HS1BP3: variants seen among roughly 807,000 people sequenced by gnomAD.
HS1BP3 encodes the protein HCLS1-binding protein 3.
A neutral mutation model predicts 33.5 loss-of-function variants in HS1BP3; 32 were observed. That is an observed-to-expected ratio of 0.95 (90% confidence interval 0.72 to 1.28). The LOEUF (loss-of-function observed/expected upper bound fraction) is 1.28. Among genes scored for constraint, HS1BP3 ranks in the 50% most tolerant of loss-of-function variants. The pLI is 0.00. For synonymous variants in HS1BP3, 187 were observed against 209.2 expected (o/e 0.89, Z 0.92); for missense variants, 486 against 502.3 (o/e 0.97, Z 0.31).
intron 5 of HS1BP3, among the ~76,000 whole-genome samples, 178 bp downstream of exon 5, chr2:20,624,554 C>T (rs1256749198): frequency 6.6e-6 from 1 of 152,184 alleles, no homozygotes; most frequent in African/African-American, 2.4e-5. Flanking sequence ...TGCCTGGAAG[C>T]CCAGGGCCCA....
At chr2:20,564,830 T>G (rs1285108244) in intron 5 of HS1BP3, among the ~76,000 whole-genome samples, 1 of 152,164 alleles carries the variant, frequency 6.6e-6, no homozygotes, top group East Asian at 1.9e-4. Flanking sequence ...TTTATGGGTC[T>G]CTCCTCACTG....
intron 5 of HS1BP3, 81 bp downstream of exon 5, chr2:20,624,651 G>T (rs966179020): frequency 6.7e-6 from 9 of 1,346,520 alleles, no homozygotes; most frequent in East Asian, 4.7e-5. Context: ...TCCTATTCAC[G>T]CCGGGTGAGT....
In HS1BP3 at chr2:20,633,235, T is replaced by C. The variant is rs533582023; in HGVS notation, c.623+5201A>G. On this transcript the variant is annotated intron_variant, in intron 4 of 6. Transcript: ENST00000304031. The stretch of plus-strand genomic sequence containing the variant: ...GGGGGTTTCCAGCTGCCCCACTCAC[T>C]GTCAAACCATACTCTAAGGGGCCCT... Among the ~76,000 whole-genome samples the C allele has an allele frequency of 3.9e-5, 6 of 152,290 alleles. No homozygotes were observed. The East Asian group carries it at 1.2e-3, about 29-fold the overall frequency.
At chr2:20,608,900 C>T (rs1393851211) in intron 2 of HS1BP3, among the ~76,000 whole-genome samples, 2 of 152,236 alleles carry the variant, frequency 1.3e-5, no homozygotes, top group Non-Finnish European at 2.9e-5. Flanking sequence ...TGCATCTCTC[C>T]TCCCTGGCCC....
At chr2:20,570,343 C>T (rs1486099935) in intron 5 of HS1BP3, among the ~76,000 whole-genome samples, 1 of 152,156 alleles carries the variant, frequency 6.6e-6, no homozygotes, top group Non-Finnish European at 1.5e-5. Context: ...TTCAAATGAT[C>T]GCCGTCAGGT....
At chr2:20,599,457 G>A (rs1490122792) in intron 2 of HS1BP3, among the ~76,000 whole-genome samples, 1 of 152,164 alleles carries the variant, frequency 6.6e-6, no homozygotes, top group East Asian at 1.9e-4. Flanking sequence ...TGAGCTTTAG[G>A]TATTTTAAAA....
rs559571091 is a variant in HS1BP3, at chr2:20,640,990, T to C, written c.389A>G (p.Glu130Gly). The C allele has an allele frequency of 4.4e-5, 71 of 1,614,142 alleles. No homozygotes were observed. The East Asian group carries it at 1.5e-3, about 34-fold the overall frequency. The change falls in exon 3 of 7, where the codon GAG becomes GGG. Residue 130 changes from glutamate to glycine, a missense_variant. Glu to Gly is a moderately conservative substitution (Grantham distance 98). Transcript: ENST00000304031. ...TTGGGTACCTAAGAACTCTAGCAGC[T>C]CTGGGCTGCCTGCCAACTCGGCATC... ...SKDAELAGSPELLEFLGTRSP... is the reference protein window; with the variant it reads ...SKDAELAGSPGLLEFLGTRSP...
intron 1 of HS1BP3, among the ~76,000 whole-genome samples, chr2:20,647,171 C>T (rs1053959278): frequency 6.6e-6 from 1 of 152,160 alleles, no homozygotes; most frequent in Non-Finnish European, 1.5e-5. Flanking sequence ...CACGATCCAG[C>T]TCCCTCACAG....
At chr2:20,644,769 G>T (rs534219626) in intron 2 of HS1BP3, among the ~76,000 whole-genome samples, 2 of 152,224 alleles carry the variant, frequency 1.3e-5, no homozygotes, top group South Asian at 4.1e-4. Flanking sequence ...AAGGCAAAAG[G>T]GTCCACGTCA....
At chr2:20,619,548 T>C (rs1054776300) in intron 6 of HS1BP3, among the ~76,000 whole-genome samples, 2 of 152,168 alleles carry the variant, frequency 1.3e-5, no homozygotes, top group African/African-American at 4.8e-5. Context: ...ACACGCTGCC[T>C]TCTGTAGGGG....
At chr2:20,588,168 G>T (rs1693727345), downstream of HS1BP3, among the ~76,000 whole-genome samples, 1 of 151,888 alleles carries the variant, frequency 6.6e-6, no homozygotes, top group Non-Finnish European at 1.5e-5. Context: ...ACAGGTGACA[G>T]GATTAAAAGT....
chr2:20,581,259 T>C (rs899716779), intron 5 of HS1BP3, among the ~76,000 whole-genome samples: 2 of 152,218 alleles, frequency 1.3e-5, no homozygotes, highest in Non-Finnish European at 1.5e-5. Context: ...TATCTCACTG[T>C]CTGTATTAGT....
chr2:20,588,612 C>T (rs1476169605), downstream of HS1BP3, among the ~76,000 whole-genome samples: 1 of 152,194 alleles, frequency 6.6e-6, no homozygotes, highest in East Asian at 1.9e-4. Context: ...CACAGGTGAA[C>T]CACCACGCCC....
rs13422663 is a variant in HS1BP3 at position 20,607,631 on chromosome 2, C to T, written c.179-9366G>A. 9.8e-4 allele frequency among the ~76,000 whole-genome samples: 149 copies of T among 152,340 alleles called. 2 individuals carry two copies. The highest frequency in any genetic ancestry group is 3.3e-3 in the African/African-American group (138 of 41,584). ...CTATATGTCTATCCTGTGCCAGTGC[C>T]ACACTGTTTTGATTACTGTAACTTT... On this transcript the variant is annotated intron_variant, in intron 2 of 3. Coordinates refer to the HS1BP3 transcript ENST00000415264.
At chr2:20,632,865 G>A (rs949382826) in intron 4 of HS1BP3, among the ~76,000 whole-genome samples, 1 of 152,362 alleles carries the variant, frequency 6.6e-6, no homozygotes, top group Admixed American at 6.5e-5. Flanking sequence ...TAAAGTCATA[G>A]TGTGCACATC....
intron 3 of HS1BP3, among the ~76,000 whole-genome samples, chr2:20,595,648 C>T (rs1488597663): frequency 6.6e-6 from 1 of 152,228 alleles, no homozygotes; most frequent in Non-Finnish European, 1.5e-5. Context: ...TGGCTGGTTT[C>T]TTCCCTAGGT....
chr2:20,650,187 T>G (rs1355373229), intron 1 of HS1BP3, among the ~76,000 whole-genome samples: 2 of 152,246 alleles, frequency 1.3e-5, no homozygotes, highest in South Asian at 4.1e-4. Context: ...AACTGGAAGA[T>G]CAACAGTTGG....
downstream of HS1BP3, among the ~76,000 whole-genome samples, chr2:20,615,188 C>T (rs1363416248): frequency 6.6e-6 from 1 of 152,248 alleles, no homozygotes; most frequent in Non-Finnish European, 1.5e-5. Flanking sequence ...GTCTACCTGG[C>T]TTCCTCCCAG....
chr2:20,564,319 C>T (rs752244877), intron 5 of HS1BP3, among the ~76,000 whole-genome samples: 3 of 152,336 alleles, frequency 2.0e-5, no homozygotes, highest in Non-Finnish European at 2.9e-5. Context: ...GACTCCATCA[C>T]GTGGAGCAGA....
Sources: allele counts gnomAD v4.1 joint callset (sites outside exome capture counted in the v4.1 genomes callset), GRCh38; gene constraint gnomAD v4.1.1; transcripts MANE v1.5; gene names NCBI Gene and HGNC (gene_info 2026-07-23, HGNC 2026-07-21).